Variants in HOPX observed in about 807,000 individuals in gnomAD.
HOPX encodes the protein homeodomain-only protein.
HOPX carries 5 observed loss-of-function variants against 11.8 expected under a neutral mutation model. That is an observed-to-expected ratio of 0.43 (90% CI 0.22 to 0.89). The LOEUF is 0.89. Ranked by LOEUF, HOPX falls within the 40% of genes least tolerant of loss-of-function variation. The probability of loss-of-function intolerance (pLI) is 0.28; values close to 1 mark genes in which losing one functional copy is unlikely to be tolerated. For missense variants in HOPX, 119 were observed against 120.0 expected (o/e 0.99, Z 0.04); for synonymous variants, 49 against 49.7 (o/e 0.99, Z 0.06).
intron 1 of HOPX, among the ~76,000 whole-genome samples, chr4:56,678,020 A>G (rs920505781): frequency 6.6e-6 from 1 of 151,736 alleles, no homozygotes; most frequent in African/African-American, 2.4e-5. Context: ...CTTCTCACTC[A>G]TTAGCACAAT....
intron 1 of HOPX, among the ~76,000 whole-genome samples, chr4:56,660,663 G>T (rs558926764): frequency 6.6e-6 from 1 of 152,110 alleles, no homozygotes; most frequent in South Asian, 2.1e-4. Context: ...TAATATTTTT[G>T]GAAAAGTATG....
intron 1 of HOPX, chr4:56,663,273 G>A (rs901671169): frequency 6.6e-6 from 1 of 152,112 alleles, no homozygotes; most frequent in Middle Eastern, 3.2e-3. Context: ...TGATGAGGCA[G>A]GAAGACTGAG....
chr4:56,669,871 C>G (rs1317177151), intron 1 of HOPX, among the ~76,000 whole-genome samples: 1 of 152,092 alleles, frequency 6.6e-6, no homozygotes, highest in Non-Finnish European at 1.5e-5. Context: ...AAATGCAGGT[C>G]TGTTAGGATG....
chr4:56,657,908 A>T lies in HOPX; in HGVS notation c.-83-9T>A, dbSNP rs1717866893. The T allele has an allele frequency of 6.5e-7, 1 of 1,549,580 alleles. No individual in the cohort carries two copies. The highest frequency in any genetic ancestry group is 2.0e-5 in the Admixed American group (1 of 50,992). On this transcript the variant is annotated splice_polypyrimidine_tract_variant and intron_variant, in intron 1 of 3. Coordinates refer to ENST00000420433, the MANE Select transcript of HOPX (RefSeq NM_032495.6). ...GGCAGTCTGTCATTAGTCTGGTAGG[A>T]AAAATCAGGAGGGCAGTAGTCATAA...
intron 1 of HOPX, among the ~76,000 whole-genome samples, chr4:56,675,953 A>C (rs559258538): frequency 6.6e-6 from 1 of 151,854 alleles, no homozygotes; most frequent in Non-Finnish European, 1.5e-5. Context: ...CAACAATGTC[A>C]TCTTTCTATA....
intron 1 of HOPX, among the ~76,000 whole-genome samples, chr4:56,673,633 A>AC (rs1718855119): frequency 6.6e-6 from 1 of 152,164 alleles, no homozygotes. Flanking sequence ...GCTTTTCAAC[A>AC]CCATCATTCA....
At chr4:56,648,938 G>GAC in intron 3 of HOPX, 141 bp from the exon 4 acceptor site, 1 of 587,020 alleles carries the variant, frequency 1.7e-6, no homozygotes, top group Non-Finnish European at 3.0e-6. Flanking sequence ...TTCTCACTGT[G>GAC]ACACTAAACT....
chr4:56,663,344 G>A (rs2109512997), intron 1 of HOPX: 1 of 152,146 alleles, frequency 6.6e-6, no homozygotes, highest in African/African-American at 2.4e-5. Flanking sequence ...CACCCTCCTA[G>A]GTACCTCTTA....
rs542926858 is a variant in HOPX at position 56,652,437 on chromosome 4, G to T, written c.198+3420C>A. ...GTGGGTGGTGTTGGGGTGGGATGAG[G>T]ACTCAGGCACATGAAACAAATGTTA... On this transcript the variant is annotated intron_variant, in intron 3 of 3. Coordinates refer to ENST00000420433, the MANE Select transcript of HOPX (RefSeq NM_032495.6). Among the ~76,000 whole-genome samples the T allele has an allele frequency of 1.6e-4, 24 of 152,214 alleles. No individual in the cohort carries two copies. The East Asian group carries it at 4.5e-3, about 28-fold the overall frequency.
At chr4:56,657,466 C>T (rs911763927) in intron 2 of HOPX, among the ~76,000 whole-genome samples, 2 of 152,182 alleles carry the variant, frequency 1.3e-5, no homozygotes, top group Non-Finnish European at 2.9e-5. Context: ...TCCACTGTGA[C>T]CTGCATCTTC....
At chr4:56,651,802 C>T (rs1717193846) in intron 3 of HOPX, among the ~76,000 whole-genome samples, 1 of 151,588 alleles carries the variant, frequency 6.6e-6, no homozygotes, top group South Asian at 2.1e-4. Flanking sequence ...GGAGACCTCC[C>T]TAAGAACCAA....
intron 1 of HOPX, among the ~76,000 whole-genome samples, chr4:56,660,815 C>A (rs574252828): frequency 7.2e-5 from 11 of 152,064 alleles, no homozygotes; most frequent in Non-Finnish European, 1.5e-4. Flanking sequence ...TGGTGAACCC[C>A]GCTCAATTTA....
intron 3 of HOPX, among the ~76,000 whole-genome samples, chr4:56,652,450 G>T (rs1298876613): frequency 7.9e-5 from 12 of 152,142 alleles, no homozygotes; most frequent in Admixed American, 7.9e-4. Flanking sequence ...TCAGGCACAT[G>T]AAACAAATGT....
Position 56,656,029 on chromosome 4 carries a change from AGCG to A in HOPX, c.43-20_43-18del, listed in dbSNP as rs1481829577. 2.6e-6 allele frequency: 4 copies of A among 1,549,344 alleles called. No individual in the cohort carries two copies. The South Asian group carries it at 4.7e-5, about 18-fold the overall frequency. On this transcript the variant is annotated intron_variant, in intron 2 of 3. Transcript: ENST00000420433. ...CCCTGCGCGCTGCGGGGCAGGGAGA[AGCG>A]GCGGCGGTGAGCGAGGCGTGGAGCG...
intron 1 of HOPX, 83 bp from the exon 2 acceptor site, chr4:56,657,982 T>A: frequency 7.7e-7 from 1 of 1,303,186 alleles, no homozygotes; most frequent in African/African-American, 1.5e-5. Flanking sequence ...ACTGTCCTAG[T>A]AGGACACCAA....
At chr4:56,650,409 A>G in intron 3 of HOPX, 1 of 360,218 alleles carries the variant, frequency 2.8e-6, no homozygotes, top group East Asian at 5.7e-5. Context: ...ACAGATACTC[A>G]GAATGAACAG....
In HOPX at chr4:56,678,013, C is replaced by T. The variant is rs143896632; in HGVS notation, c.-84+3242G>A. ...AAGCTTTAGTTTTGAAACATCCCTT[C>T]TCACTCATTAGCACAATCCTTTAAT... On this transcript the variant is annotated intron_variant, in intron 1 of 3. Transcript: ENST00000420433. Among the ~76,000 whole-genome samples, 1,321 of 151,834 alleles carry T rather than the reference C, an allele frequency of 8.7e-3. 17 individuals carry two copies. Among genetic ancestry groups the T allele is most frequent in the South Asian group, 0.023 (112 of 4,824 alleles).
intron 1 of HOPX, among the ~76,000 whole-genome samples, chr4:56,675,649 T>C (rs1718974659): frequency 6.6e-6 from 1 of 151,676 alleles, no homozygotes; most frequent in African/African-American, 2.4e-5. Flanking sequence ...ATCTGCTGTA[T>C]TGCACTGTGT....
At chr4:56,655,333 C>G (rs1180334063) in intron 3 of HOPX, among the ~76,000 whole-genome samples, 1 of 152,186 alleles carries the variant, frequency 6.6e-6, no homozygotes, top group African/African-American at 2.4e-5. Flanking sequence ...TCCTGCCATC[C>G]TGACAGCGCC....
Sources: gnomAD v4.1 joint callset for allele counts (sites outside exome capture counted in the v4.1 genomes callset) on GRCh38, gnomAD v4.1.1 for gene constraint, MANE v1.5 for transcripts, NCBI Gene and HGNC (gene_info 2026-07-23, HGNC 2026-07-21) for gene names.